Variants in GPC5 observed in about 807,000 individuals in gnomAD.
The protein encoded by GPC5 is glypican-5.
Under a neutral mutation model 53.9 loss-of-function variants are expected in GPC5, and 47 were observed. That is an observed-to-expected ratio of 0.87 (90% CI 0.69 to 1.11). GPC5 has a LOEUF of 1.11. GPC5 is among the 50% of genes most tolerant of loss of function. The pLI, the probability that GPC5 is intolerant of heterozygous loss-of-function variation, is 0.00. For synonymous variants in GPC5, 286 were observed against 263.3 expected (o/e 1.09, Z -0.84); for missense variants, 748 against 713.1 (o/e 1.05, Z -0.56).
intron 7 of GPC5, among the ~76,000 whole-genome samples, chr13:92,290,981 A>G (rs903876052): frequency 6.6e-6 from 1 of 152,028 alleles, no homozygotes; most frequent in African/African-American, 2.4e-5. Flanking sequence ...CCACTCTTGG[A>G]AGGGCCTGCC....
At chr13:92,373,327 A>G (rs1279900505) in intron 7 of GPC5, among the ~76,000 whole-genome samples, 2 of 152,240 alleles carry the variant, frequency 1.3e-5, no homozygotes, top group East Asian at 3.9e-4. Flanking sequence ...TGCTTTTACT[A>G]TTCTGTTGCA....
At chr13:92,111,431 A>G (rs1304102045) in intron 6 of GPC5, among the ~76,000 whole-genome samples, 1 of 152,164 alleles carries the variant, frequency 6.6e-6, no homozygotes, top group African/African-American at 2.4e-5. Context: ...TCAAGATGTG[A>G]TCCAGGCACA....
intron 2 of GPC5, among the ~76,000 whole-genome samples, chr13:91,487,187 T>TG (rs1349353231): frequency 5.3e-5 from 8 of 151,684 alleles, no homozygotes; most frequent in African/African-American, 1.2e-4. Context: ...GGGGTGGAGA[T>TG]GGGGGGAAGT....
chr13:91,887,973 A>C (rs796698958), intron 5 of GPC5, among the ~76,000 whole-genome samples: 47 of 152,242 alleles, frequency 3.1e-4, no homozygotes, highest in African/African-American at 1.1e-3. Flanking sequence ...TCGCTGCCAC[A>C]TTTTTGGGTA....
chr13:92,238,162 C>T (rs1334693605), intron 7 of GPC5, among the ~76,000 whole-genome samples: 1 of 151,850 alleles, frequency 6.6e-6, no homozygotes, highest in African/African-American at 2.4e-5. Context: ...CATGTTTTTA[C>T]TTCTCTTGAT....
chr13:92,629,113 C>T (rs530584025), intron 7 of GPC5, among the ~76,000 whole-genome samples: 1 of 152,260 alleles, frequency 6.6e-6, no homozygotes, highest in Non-Finnish European at 1.5e-5. Flanking sequence ...GAGAAAGATC[C>T]AAGGAATGAG....
intron 2 of GPC5, among the ~76,000 whole-genome samples, chr13:91,673,279 A>G (rs2035294043): frequency 6.6e-6 from 1 of 152,202 alleles, no homozygotes; most frequent in African/African-American, 2.4e-5. Context: ...AGAGACTGAC[A>G]TGAAAGAAAA....
At chr13:91,960,107 T>C (rs1268860717) in intron 6 of GPC5, among the ~76,000 whole-genome samples, 1 of 151,144 alleles carries the variant, frequency 6.6e-6, no homozygotes, top group Non-Finnish European at 1.5e-5. Flanking sequence ...AATAAATTTA[T>C]CCAAATTGGA....
At chr13:92,474,505 A>C (rs1220561473) in intron 7 of GPC5, among the ~76,000 whole-genome samples, 1 of 151,978 alleles carries the variant, frequency 6.6e-6, no homozygotes, top group Non-Finnish European at 1.5e-5. Context: ...ATCCCATATG[A>C]GATGAATAAT....
Position 92,725,921 on chromosome 13 carries a change from C to T in GPC5, c.1562-140361C>T, listed in dbSNP as rs557916319. Among the ~76,000 whole-genome samples, 11 of 151,732 alleles carry T rather than the reference C, an allele frequency of 7.2e-5. No homozygotes were observed. The South Asian group carries it at 1.2e-3, about 17-fold the overall frequency. ...ATTAATGATGCCCTCTGACTTTTAGCGTAGCACATTGCATGCTAGGTCACA... is the reference window on the plus strand; with the variant it reads ...ATTAATGATGCCCTCTGACTTTTAGTGTAGCACATTGCATGCTAGGTCACA... On this transcript the variant is annotated intron_variant, in intron 7 of 7. Transcript: ENST00000377067.
In GPC5 at chr13:91,406,630, G is replaced by A. The variant is rs114277081; in HGVS notation, c.163+7421G>A. Among the ~76,000 whole-genome samples the A allele has an allele frequency of 4.3e-3, 660 of 152,274 alleles. 10 individuals carry two copies. Among genetic ancestry groups the A allele is most frequent in the African/African-American group, 0.015 (643 of 41,552 alleles). Reference sequence around the variant, plus strand: ...CCCCAAGCCATTGATACCCTTCAAAGTTCTCTGACCCAGACACTTCCCAAT... The same window carrying A: ...CCCCAAGCCATTGATACCCTTCAAAATTCTCTGACCCAGACACTTCCCAAT... On this transcript the variant is annotated intron_variant, in intron 1 of 7. Transcript: ENST00000377067.
At chr13:92,294,536 A>G (rs1170551327) in intron 7 of GPC5, among the ~76,000 whole-genome samples, 3 of 152,046 alleles carry the variant, frequency 2.0e-5, no homozygotes, top group Non-Finnish European at 4.4e-5. Flanking sequence ...CTGTGGTGTC[A>G]GTTGTAATAT....
At chr13:92,381,429 G>A (rs1007119100) in intron 7 of GPC5, among the ~76,000 whole-genome samples, 1 of 152,102 alleles carries the variant, frequency 6.6e-6, no homozygotes, top group Non-Finnish European at 1.5e-5. Flanking sequence ...TAAGAAAAAT[G>A]CAAATCAAAA....
At position 91,624,950 on chromosome 13, in the gene GPC5, A is replaced by G. The variant is rs143812114; in HGVS notation, c.326-68237A>G. Among the ~76,000 whole-genome samples, 4 of 151,708 alleles carry G rather than the reference A, an allele frequency of 2.6e-5. No homozygotes were observed. The South Asian group carries it at 8.5e-4, about 32-fold the overall frequency. ...CCAAGAAAGGAATTTTTTCTTTTTT[A>G]AAAAAAATTAGAAGAAAATCAACAA... On this transcript the variant is annotated intron_variant, in intron 2 of 7. Coordinates refer to ENST00000377067, the MANE Select transcript of GPC5 (RefSeq NM_004466.6).
intron 7 of GPC5, among the ~76,000 whole-genome samples, chr13:92,204,377 T>C (rs2042317291): frequency 6.6e-6 from 1 of 152,176 alleles, no homozygotes; most frequent in Admixed American, 6.5e-5. Flanking sequence ...CCTTGCAATG[T>C]CTGGGAAGTG....
chr13:91,709,125 G>A, intron 3 of GPC5, among the ~76,000 whole-genome samples: 1 of 152,146 alleles, frequency 6.6e-6, no homozygotes, highest in East Asian at 1.9e-4. Flanking sequence ...CCTAGGCACT[G>A]CTAGACATTG....
intron 7 of GPC5, among the ~76,000 whole-genome samples, chr13:92,328,809 G>A (rs1011840238): frequency 6.6e-6 from 1 of 152,112 alleles, no homozygotes; most frequent in African/African-American, 2.4e-5. Context: ...GGTGTTTTCT[G>A]TATATTTATG....
At chr13:92,013,303 G>A (rs770375665) in intron 6 of GPC5, among the ~76,000 whole-genome samples, 3 of 152,186 alleles carry the variant, frequency 2.0e-5, no homozygotes, top group African/African-American at 4.8e-5. Context: ...AGCTGGAGAG[G>A]GGATGGGATG....
chr13:91,620,374 T>C (rs954611004), intron 2 of GPC5, among the ~76,000 whole-genome samples: 3 of 152,140 alleles, frequency 2.0e-5, no homozygotes, highest in Non-Finnish European at 4.4e-5. Flanking sequence ...TACTGTTGTA[T>C]TGAATTTATG....
Sources: allele counts gnomAD v4.1 joint callset (sites outside exome capture counted in the v4.1 genomes callset), GRCh38; gene constraint gnomAD v4.1.1; transcripts MANE v1.5; gene names NCBI Gene and HGNC (gene_info 2026-07-23, HGNC 2026-07-21).